The following FAM81B variants were observed in gnomAD, a reference collection of about 807,000 sequenced individuals.
FAM81B encodes family with sequence similarity 81 member B, also known as protein FAM81B.
In FAM81B, 60 loss-of-function variants were observed where a neutral mutation model predicts 58.7. The observed-to-expected ratio is 1.02, with a 90% CI of 0.83 to 1.27. The LOEUF is 1.27. FAM81B is among the 50% of genes most tolerant of loss of function. The probability of loss-of-function intolerance (pLI) is 0.00; values close to 1 mark genes in which losing one functional copy is unlikely to be tolerated. For missense variants in FAM81B, 491 were observed against 522.0 expected (o/e 0.94, Z 0.58); for synonymous variants, 189 against 179.6 (o/e 1.05, Z -0.42).
chr5:95,403,154 C>T (rs879702601), intron 3 of FAM81B, among the ~76,000 whole-genome samples: 6 of 152,176 alleles, frequency 3.9e-5, no homozygotes, highest in Non-Finnish European at 8.8e-5. Flanking sequence ...TATGCGCTTG[C>T]TTAAAATGCA....
Position 95,414,072 on chromosome 5 carries a change from CT to C in FAM81B, c.420del (p.Ala141LeufsTer41), listed in dbSNP as rs1418760693. 1 of 1,614,032 alleles carries C rather than the reference CT, an allele frequency of 6.2e-7. No individual in the cohort carries two copies. Among genetic ancestry groups the C allele is most frequent in the Non-Finnish European group, 8.5e-7 (1 of 1,180,030 alleles). ...EQAFRIKEDI[S>X]ACLQGTHGFR... ...GCCTTCCGCATCAAGGAGGACATCTCTGCTTGCCTGCAGGGGACCCATGGCT... is the reference window on the plus strand; with the variant it reads ...GCCTTCCGCATCAAGGAGGACATCTCGCTTGCCTGCAGGGGACCCATGGCT... On this transcript the variant is annotated frameshift_variant, in exon 4 of 10. Transcript: ENST00000283357. LOFTEE classifies it high-confidence loss of function.
chr5:95,443,808 G>A, intron 7 of FAM81B, among the ~76,000 whole-genome samples: 1 of 152,322 alleles, frequency 6.6e-6, no homozygotes, highest in Middle Eastern at 3.4e-3. Flanking sequence ...AAAAGGATAA[G>A]TAGTAATTCA....
intron 6 of FAM81B, among the ~76,000 whole-genome samples, chr5:95,434,134 G>A (rs1745009658): frequency 6.6e-6 from 1 of 152,152 alleles, no homozygotes; most frequent in Non-Finnish European, 1.5e-5. Flanking sequence ...CATGCTTTCT[G>A]TAGGTCAAAA....
intron 6 of FAM81B, 42 bp downstream of exon 6, chr5:95,428,774 A>C: frequency 6.2e-7 from 1 of 1,612,420 alleles, no homozygotes; most frequent in Non-Finnish European, 8.5e-7. Flanking sequence ...TGTTACTGCC[A>C]GAAGTAAGAT....
chr5:95,426,125 T>TATATATATATATAC (rs781083080), intron 5 of FAM81B, among the ~76,000 whole-genome samples: 2 of 94,306 alleles, frequency 2.1e-5, no homozygotes, highest in Non-Finnish European at 4.4e-5. Flanking sequence ...TATATATATG[T>TATATATATATATAC]ACACATATAT....
At chr5:95,440,673 G>A in intron 7 of FAM81B, 3 of 830,976 alleles carry the variant, frequency 3.6e-6, no homozygotes, top group Non-Finnish European at 5.3e-6. Context: ...CCACAGACTG[G>A]GAAAAGTTGG....
Position 95,392,868 on chromosome 5 carries a change from C to T in FAM81B, c.199C>T (p.Pro67Ser). ...GCCAGTTGAACCTGATGGCCCCCTT[C>T]CTGGCTCAGACAATAACCAAGAAAA... ...EQPVEPDGPL[P>S]GSDNNQEKKV... Residue 67 changes from proline (P) to serine (S), a missense_variant, in exon 2 of 10, where the codon CCT (proline) becomes TCT (serine). Coordinates refer to ENST00000283357, the MANE Select transcript of FAM81B (RefSeq NM_152548.3). 6.2e-7 allele frequency: 1 copy of T among 1,611,756 alleles called. No homozygotes were observed. The highest frequency in any genetic ancestry group is 8.5e-7 in the Non-Finnish European group (1 of 1,179,046).
At chr5:95,444,199 T>C (rs1031641272) in intron 7 of FAM81B, among the ~76,000 whole-genome samples, 4 of 152,196 alleles carry the variant, frequency 2.6e-5, no homozygotes, top group Non-Finnish European at 4.4e-5. Flanking sequence ...AATGACCCAT[T>C]TGTTCATTTA....
At chr5:95,430,147 T>A (rs1368055052) in intron 6 of FAM81B, among the ~76,000 whole-genome samples, 1 of 152,130 alleles carries the variant, frequency 6.6e-6, no homozygotes, top group African/African-American at 2.4e-5. Flanking sequence ...AATTCCTCTC[T>A]GTTTAGTATA....
At chr5:95,407,412 ACACACACACG>A (rs1561294535) in intron 3 of FAM81B, among the ~76,000 whole-genome samples, 2 of 145,242 alleles carry the variant, frequency 1.4e-5, no homozygotes, top group Admixed American at 1.4e-4. Context: ...ACACACACGC[ACACACACACG>A]CGTGCGCGCA....
intron 7 of FAM81B, 49 bp from the exon 8 acceptor site, chr5:95,446,513 T>C: frequency 6.8e-7 from 1 of 1,469,846 alleles, no homozygotes; most frequent in Non-Finnish European, 9.1e-7. Context: ...ACTAATTTTT[T>C]ATGTTTAAAT....
chr5:95,448,877 G>A, intron 9 of FAM81B: 1 of 363,358 alleles, frequency 2.8e-6, no homozygotes, highest in Non-Finnish European at 5.4e-6. Context: ...ATGTCAGACT[G>A]GAGACCTGAC....
chr5:95,395,507 G>C (rs939344469), intron 2 of FAM81B, among the ~76,000 whole-genome samples: 2 of 151,862 alleles, frequency 1.3e-5, no homozygotes, highest in Non-Finnish European at 2.9e-5. Context: ...AGTACATTGG[G>C]TATCTTCTTT....
At chr5:95,399,350 C>T (rs561637901) in intron 3 of FAM81B, among the ~76,000 whole-genome samples, 2 of 152,296 alleles carry the variant, frequency 1.3e-5, no homozygotes, top group Admixed American at 1.3e-4. Flanking sequence ...AGATATTTCA[C>T]ATTACAATGC....
intron 3 of FAM81B, among the ~76,000 whole-genome samples, chr5:95,411,948 C>T (rs7717264): frequency 0.27 from 41,273 of 152,046 alleles, 5,839 homozygotes; most frequent in Non-Finnish European, 0.3. Flanking sequence ...ATGAAATACA[C>T]AGCATAGCAA....
chr5:95,426,980 C>G (rs561833961), intron 5 of FAM81B, among the ~76,000 whole-genome samples: 1 of 152,058 alleles, frequency 6.6e-6, no homozygotes, highest in Admixed American at 6.5e-5. Flanking sequence ...ACCTGGGAGG[C>G]GGAGCTTGCA....
At chr5:95,402,926 G>T (rs551473850) in intron 3 of FAM81B, among the ~76,000 whole-genome samples, 1 of 152,158 alleles carries the variant, frequency 6.6e-6, no homozygotes, top group Non-Finnish European at 1.5e-5. Flanking sequence ...TAGAACACTC[G>T]GTTGGTAAGT....
At chr5:95,421,110 C>CA (rs1303345967) in intron 5 of FAM81B, among the ~76,000 whole-genome samples, 1 of 152,174 alleles carries the variant, frequency 6.6e-6, no homozygotes, top group Non-Finnish European at 1.5e-5. Context: ...TTTAATTCAA[C>CA]AAAAATGTAT....
At chr5:95,437,942 C>T (rs1386437757) in intron 7 of FAM81B, among the ~76,000 whole-genome samples, 1 of 152,144 alleles carries the variant, frequency 6.6e-6, no homozygotes, top group Non-Finnish European at 1.5e-5. Context: ...TGATAATACT[C>T]TACTTTCTCC....
Sources: gnomAD v4.1 joint callset for allele counts (sites outside exome capture counted in the v4.1 genomes callset) on GRCh38, gnomAD v4.1.1 for gene constraint, MANE v1.5 for transcripts, NCBI Gene and HGNC (gene_info 2026-07-23, HGNC 2026-07-21) for gene names.